Variants in PCSK6 observed in about 807,000 individuals in gnomAD.
PCSK6 encodes the protein proprotein convertase subtilisin/kexin type 6.
Under a neutral mutation model 123.3 loss-of-function variants are expected in PCSK6, and 85 were observed. That is an observed-to-expected ratio of 0.69 (90% CI 0.58 to 0.83). The LOEUF is 0.83. Among genes scored for constraint, PCSK6 ranks in the 40% least tolerant of loss-of-function variants. The probability of loss-of-function intolerance (pLI) is 0.00; values close to 1 mark genes in which losing one functional copy is unlikely to be tolerated. For synonymous variants in PCSK6, 508 were observed against 516.0 expected (o/e 0.98, Z 0.21); for missense variants, 1,191 against 1,282.3 (o/e 0.93, Z 1.09).
At chr15:101,432,459 CAAAAAAAAA>C (rs56385883) in intron 2 of PCSK6, among the ~76,000 whole-genome samples, 2 of 117,352 alleles carry the variant, frequency 1.7e-5, no homozygotes, top group African/African-American at 3.2e-5. Flanking sequence ...CCCACCTCTC[CAAAAAAAAA>C]AAAAAAAAAA....
intron 13 of PCSK6, chr15:101,334,558 A>G (rs12916087): frequency 0.28 from 42,703 of 152,204 alleles, 6,579 homozygotes; most frequent in Non-Finnish European, 0.35. Context: ...GTCCAGTTAC[A>G]GCCACATTCC....
chr15:101,451,130 T>C (rs2057023724), intron 1 of PCSK6, among the ~76,000 whole-genome samples: 2 of 151,974 alleles, frequency 1.3e-5, no homozygotes, highest in South Asian at 4.2e-4. Flanking sequence ...AAACAAAATC[T>C]CAGTGGGCGC....
chr15:101,307,323 C>G lies in PCSK6; in HGVS notation c.2702G>C (p.Cys901Ser). 1 of 1,611,292 alleles carries G rather than the reference C, an allele frequency of 6.2e-7. No individual in the cohort carries two copies. The highest frequency in any genetic ancestry group is 1.1e-5 in the South Asian group (1 of 90,668). ...TGCACAGCTCAAGCAGTTCTCGTCA[C>G]ACCTGTGGGAAGATACCGTTCCTGC... The part of the protein sequence containing the change: ...PGLPHKVCRR[C>S]DENCLSCAGS... Residue 901 changes from cysteine (C) to serine (S), a missense_variant and splice_region_variant, in exon 21 of 22, where the codon TGT becomes TCT. Physicochemically the swap from Cys to Ser is moderately radical, Grantham distance 112. Transcript: ENST00000611716.
At chr15:101,378,182 C>T (rs2041806830) in intron 11 of PCSK6, among the ~76,000 whole-genome samples, 1 of 152,228 alleles carries the variant, frequency 6.6e-6, no homozygotes, top group Non-Finnish European at 1.5e-5. Flanking sequence ...CTTTATCTTT[C>T]TATTTAATAC....
At chr15:101,463,841 C>T (rs12908406) in intron 1 of PCSK6, among the ~76,000 whole-genome samples, 118,098 of 151,996 alleles carry the variant, frequency 0.78, 46,222 homozygotes, top group Non-Finnish European at 0.82. Context: ...TAGATTCTTC[C>T]TATGTCCTTA....
At chr15:101,416,120 C>G (rs569822758) in intron 6 of PCSK6, among the ~76,000 whole-genome samples, 1 of 152,184 alleles carries the variant, frequency 6.6e-6, no homozygotes, top group African/African-American at 2.4e-5. Context: ...AAGTTTGGAA[C>G]CTCCTAGAGA....
At chr15:101,458,903 C>G (rs1366182763) in intron 1 of PCSK6, among the ~76,000 whole-genome samples, 1 of 152,188 alleles carries the variant, frequency 6.6e-6, no homozygotes, top group Non-Finnish European at 1.5e-5. Flanking sequence ...AAACAAACTG[C>G]CTTCCATTTC....
intron 5 of PCSK6, among the ~76,000 whole-genome samples, chr15:101,428,851 G>A (rs2056348544): frequency 6.6e-6 from 1 of 152,206 alleles, no homozygotes; most frequent in Admixed American, 6.5e-5. Context: ...GAGCTCAATG[G>A]ATGGCTCGGG....
Position 101,489,358 on chromosome 15 carries a change from G to C in PCSK6, c.297+16C>G. ...CGCCGGGAAAGTTTTGGGCGCGCGG[G>C]GCCGGCCGCACTCACCTGGCCCAAG... On this transcript the variant is annotated intron_variant, in intron 1 of 21. Coordinates refer to ENST00000611716, the MANE Select transcript of PCSK6 (RefSeq NM_002570.5). 1 of 1,155,570 alleles carries C rather than the reference G, an allele frequency of 8.7e-7. No homozygotes were observed. Among genetic ancestry groups the C allele is most frequent in the South Asian group, 2.4e-5 (1 of 41,586 alleles). 71.6% of individuals were successfully genotyped at this position (1,155,570 alleles called of 1,614,324 possible). A position where few individuals can be genotyped will look rare whatever the true frequency, so the allele number is the denominator to read the frequency against.
At chr15:101,482,348 C>G (rs1230444443) in intron 1 of PCSK6, among the ~76,000 whole-genome samples, 1 of 152,202 alleles carries the variant, frequency 6.6e-6, no homozygotes, top group Non-Finnish European at 1.5e-5. Context: ...ACCAGGGCTT[C>G]TGGTCGGTGG....
In PCSK6 at chr15:101,430,008, T is replaced by C; in HGVS notation, c.713A>G (p.Tyr238Cys). ...NGNDYDPSPR[Y>C]DASNENKHGT... is the part of the protein sequence containing the mutation. ...GTACTTATTTTCATTGCTGGCATCA[T>C]ATCGTGGAGATGGGTCATAATCATT... is the stretch of plus-strand genomic sequence containing the variant. The change falls in exon 5 of 22, where the codon TAT (tyrosine) becomes TGT (cysteine). Residue 238 changes from tyrosine (Y) to cysteine (C), a missense_variant. By Grantham distance (194) the Tyr-to-Cys change is radical. Coordinates refer to ENST00000611716, the MANE Select transcript of PCSK6 (RefSeq NM_002570.5). 2 of 1,613,810 alleles carry C rather than the reference T, an allele frequency of 1.2e-6. No homozygotes were observed. The highest frequency in any genetic ancestry group is 1.7e-6 in the Non-Finnish European group (2 of 1,179,710).
At chr15:101,470,106 C>T (rs9806745) in intron 1 of PCSK6, among the ~76,000 whole-genome samples, 3 of 152,006 alleles carry the variant, frequency 2.0e-5, no homozygotes, top group Admixed American at 6.6e-5. Context: ...AGGGATCAAA[C>T]GTCCCTTGTT....
intron 1 of PCSK6, among the ~76,000 whole-genome samples, chr15:101,477,059 C>T (rs888970242): frequency 6.6e-6 from 1 of 152,128 alleles, no homozygotes; most frequent in African/African-American, 2.4e-5. Context: ...CCTCCCCACG[C>T]AGTGATAAAG....
chr15:101,407,046 C>T (rs1020485220), intron 6 of PCSK6, among the ~76,000 whole-genome samples: 1 of 152,076 alleles, frequency 6.6e-6, no homozygotes, highest in Non-Finnish European at 1.5e-5. Flanking sequence ...GCGCAGCTCT[C>T]TCAGCCAGCG....
At chr15:101,445,803 G>A (rs2056873879) in intron 1 of PCSK6, among the ~76,000 whole-genome samples, 1 of 152,220 alleles carries the variant, frequency 6.6e-6, no homozygotes, top group African/African-American at 2.4e-5. Flanking sequence ...AAAACTTGCT[G>A]GCAAAGAGAC....
intron 13 of PCSK6, among the ~76,000 whole-genome samples, chr15:101,343,861 C>T (rs1404605861): frequency 2.0e-5 from 3 of 152,088 alleles, no homozygotes; most frequent in East Asian, 1.9e-4. Context: ...GAGGCCAAGG[C>T]GGGCAGATCA....
intron 20 of PCSK6, among the ~76,000 whole-genome samples, chr15:101,309,957 C>A (rs755673): frequency 0.011 from 1,730 of 152,314 alleles, 45 homozygotes; most frequent in African/African-American, 0.039. Flanking sequence ...CAGTTGCCAA[C>A]CCAGCAGGCC....
chr15:101,358,181 G>A (rs1432824775), intron 13 of PCSK6, among the ~76,000 whole-genome samples: 2 of 152,188 alleles, frequency 1.3e-5, no homozygotes, highest in South Asian at 2.1e-4. Flanking sequence ...TCACCCCTGG[G>A]GGTAGGCGGA....
chr15:101,440,991 G>A (rs903848407), intron 2 of PCSK6, among the ~76,000 whole-genome samples: 1 of 152,164 alleles, frequency 6.6e-6, no homozygotes, highest in Admixed American at 6.5e-5. Context: ...AATTTAATTA[G>A]AACTATGAGA....
Sources: allele counts gnomAD v4.1 joint callset (sites outside exome capture counted in the v4.1 genomes callset), GRCh38; gene constraint gnomAD v4.1.1; transcripts MANE v1.5; gene names NCBI Gene and HGNC (gene_info 2026-07-23, HGNC 2026-07-21).